ZNF19: variants seen among roughly 807,000 people sequenced by gnomAD.
ZNF19 encodes the protein zinc finger protein 19.
ZNF19 carries 11 observed loss-of-function variants against 13.1 expected under a neutral mutation model. That is an observed-to-expected ratio of 0.84 (90% CI 0.53 to 1.39). The LOEUF (loss-of-function observed/expected upper bound fraction) is 1.39, where lower values mean the gene tolerates loss of function less well. Ranked by LOEUF, ZNF19 falls within the 40% of genes most tolerant of loss-of-function variation. The pLI is 0.00. For synonymous variants in ZNF19, 186 were observed against 187.0 expected (o/e 0.99, Z 0.04); for missense variants, 560 against 547.0 (o/e 1.02, Z -0.24).
chr16:71,475,817 G>C lies in ZNF19; in HGVS notation c.730C>G (p.Pro244Ala). ...RHQRIHSGDR[P>A]YYCTECGNSF... ...TTCCCACACTCTGTACAGTAATAGG[G>C]TCTGTCCCCACTGTGGATTCTCTGA... The change falls in exon 6 of 6, where the codon CCC (proline) becomes GCC (alanine). Residue 244 changes from proline to alanine, a missense_variant. By Grantham distance (27) the Pro-to-Ala change is conservative. Coordinates refer to ENST00000288177, the MANE Select transcript of ZNF19 (RefSeq NM_006961.4). 1 of 1,612,824 alleles carries C rather than the reference G, an allele frequency of 6.2e-7. No homozygotes were observed. Among genetic ancestry groups the C allele is most frequent in the Non-Finnish European group, 8.5e-7 (1 of 1,179,152 alleles).
intron 5 of ZNF19, 149 bp from the exon 6 acceptor site, chr16:71,476,421 CA>C (rs1394078431): frequency 1.7e-5 from 15 of 894,632 alleles, no homozygotes; most frequent in Non-Finnish European, 2.5e-5. Flanking sequence ...GTGAAAGTGC[CA>C]AATATCACAC....
At position 71,475,354 on chromosome 16, in the gene ZNF19, C is replaced by A. The variant is rs777257301; in HGVS notation, c.1193G>T (p.Arg398Ile). ...DECGKALTSK[R>I]NLHQHQRIHT... ...GATTCTTTGATGCTGATGAAGATTTCTTTTGCTAGTCAAGGCTTTTCCACA... is the reference window on the plus strand; with the variant it reads ...GATTCTTTGATGCTGATGAAGATTTATTTTGCTAGTCAAGGCTTTTCCACA... The change falls in exon 6 of 6, where the codon AGA (arginine) becomes ATA (isoleucine). Residue 398 changes from arginine to isoleucine, a missense_variant. Transcript: ENST00000288177. The A allele has an allele frequency of 6.2e-6, 10 of 1,613,628 alleles. No homozygotes were observed. The highest frequency in any genetic ancestry group is 5.0e-5 in the Admixed American group (3 of 60,012).
In ZNF19 at chr16:71,474,982, G is replaced by A. The variant is rs1597012114; in HGVS notation, c.*188C>T. On this transcript the variant is annotated 3_prime_UTR_variant, in exon 6 of 6. Transcript: ENST00000288177. The stretch of plus-strand genomic sequence containing the variant: ...AAACCAATGGGGGTGGGCGGGGGGA[G>A]AGTATTTGTTCCTATTAGCTCTTGC... The A allele has an allele frequency of 5.9e-6, 4 of 672,832 alleles. No individual in the cohort carries two copies. In the East Asian group the frequency reaches 1.1e-4, roughly 19 times the overall value. The allele number at this position is 672,832 out of a possible 1,614,324, so 41.7% of individuals were successfully genotyped here.
At chr16:71,486,064 C>T (rs1567571607) in intron 1 of ZNF19, among the ~76,000 whole-genome samples, 1 of 151,904 alleles carries the variant, frequency 6.6e-6, no homozygotes, top group Non-Finnish European at 1.5e-5. Context: ...TATCTTGGGG[C>T]TAGGCACAGT....
chr16:71,475,774 G>T lies in ZNF19; in HGVS notation c.773C>A (p.Ser258Tyr), dbSNP rs1283562336. The T allele has an allele frequency of 6.2e-7, 1 of 1,613,018 alleles. No homozygotes were observed. The highest frequency in any genetic ancestry group is 1.7e-5 in the Admixed American group (1 of 59,988). ...GATTCTCTGATGTATAACAAACTCGGAACTACTCGTGAAACTATTCCCACA... is the reference window on the plus strand; with the variant it reads ...GATTCTCTGATGTATAACAAACTCGTAACTACTCGTGAAACTATTCCCACA... ...TECGNSFTSS[S>Y]EFVIHQRIHT... The change falls in exon 6 of 6, where the codon TCC becomes TAC. Residue 258 changes from serine (S) to tyrosine (Y), a missense_variant. Physicochemically the swap from Ser to Tyr is moderately radical, Grantham distance 144. Coordinates refer to ENST00000288177, the MANE Select transcript of ZNF19 (RefSeq NM_006961.4).
At chr16:71,479,055 C>T in intron 3 of ZNF19, 50 bp from the exon 4 acceptor site, 2 of 1,613,488 alleles carry the variant, frequency 1.2e-6, no homozygotes, top group Non-Finnish European at 1.7e-6. Flanking sequence ...TGGCTCCGGG[C>T]CAGAGTGTGG....
chr16:71,487,853 AAAT>A (rs2043689997), intron 1 of ZNF19, among the ~76,000 whole-genome samples: 2 of 152,230 alleles, frequency 1.3e-5, no homozygotes, highest in South Asian at 4.1e-4. Flanking sequence ...GGCTGCAAAA[AAAT>A]ATGTAGTTAA....
At chr16:71,483,616 C>T (rs1296685537) in intron 2 of ZNF19, among the ~76,000 whole-genome samples, 1 of 152,258 alleles carries the variant, frequency 6.6e-6, no homozygotes, top group African/African-American at 2.4e-5. Flanking sequence ...AGATCATGAT[C>T]GCTCTACAGA....
intron 1 of ZNF19, among the ~76,000 whole-genome samples, chr16:71,486,170 C>A (rs1312498354): frequency 7.1e-6 from 1 of 140,060 alleles, no homozygotes; most frequent in Non-Finnish European, 1.5e-5. Context: ...TGACAAAACC[C>A]TGTCTCTACC....
intron 1 of ZNF19, chr16:71,487,285 G>A (rs1043285918): frequency 1.6e-4 from 24 of 152,314 alleles, no homozygotes; most frequent in African/African-American, 5.1e-4. Flanking sequence ...GTTTCGAAGT[G>A]TGTTGCGCTT....
At chr16:71,479,943 C>A (rs1007873647) in intron 3 of ZNF19, among the ~76,000 whole-genome samples, 3 of 152,072 alleles carry the variant, frequency 2.0e-5, no homozygotes, top group African/African-American at 7.2e-5. Context: ...TAGGTGCACA[C>A]CACCATGCCA....
At chr16:71,489,166 C>T (rs1305755698) in intron 1 of ZNF19, 106 bp downstream of exon 1, 6 of 848,872 alleles carry the variant, frequency 7.1e-6, no homozygotes, top group African/African-American at 5.5e-5. Flanking sequence ...GTGACGCCCT[C>T]CCCGTCCCCT....
At chr16:71,480,461 T>C (rs1161531504) in intron 3 of ZNF19, among the ~76,000 whole-genome samples, 1 of 152,190 alleles carries the variant, frequency 6.6e-6, no homozygotes, top group Non-Finnish European at 1.5e-5. Flanking sequence ...CAGTCTCTAA[T>C]GCTAGAACTT....
intron 4 of ZNF19, 31 bp from the exon 5 acceptor site, chr16:71,478,372 G>C: frequency 6.7e-7 from 1 of 1,493,324 alleles, no homozygotes; most frequent in Non-Finnish European, 9.3e-7. Context: ...GTACTTTTCA[G>C]CCCTGTATCT....
chr16:71,484,799 A>C, intron 1 of ZNF19, 51 bp from the exon 2 acceptor site: 1 of 947,604 alleles, frequency 1.1e-6, no homozygotes, highest in Non-Finnish European at 1.3e-6. Flanking sequence ...TCTAACCGAA[A>C]TTTAGCATTT....
chr16:71,477,959 T>G (rs1328953650), intron 5 of ZNF19: 1 of 367,714 alleles, frequency 2.7e-6, no homozygotes, highest in Non-Finnish European at 5.0e-6. Flanking sequence ...GCTCAAAAAC[T>G]GCTCCTGAAT....
Position 71,483,157 on chromosome 16 carries a change from C to T in ZNF19, c.-29-1014G>A, listed in dbSNP as rs78422370. On this transcript the variant is annotated intron_variant, in intron 2 of 5. Coordinates refer to ENST00000288177, the MANE Select transcript of ZNF19 (RefSeq NM_006961.4). ...CAGAGCAAGTCTTCCTTTACTTGGA[C>T]CTGGAGCAGGCATCTTTTTTGTTCA... is the stretch of plus-strand genomic sequence containing the variant. Among the ~76,000 whole-genome samples, 410 of 152,312 alleles carry T rather than the reference C, an allele frequency of 2.7e-3. 5 individuals are homozygous for T. The highest frequency in any genetic ancestry group is 4.6e-3 in the Non-Finnish European group (314 of 68,038).
chr16:71,487,575 A>G (rs1001693596), intron 1 of ZNF19, among the ~76,000 whole-genome samples: 10 of 152,214 alleles, frequency 6.6e-5, no homozygotes, highest in Admixed American at 3.3e-4. Flanking sequence ...CATTCCTTAG[A>G]TTCCAATGGG....
chr16:71,489,287 C>CA lies in ZNF19; in HGVS notation c.-206dup, dbSNP rs1182572274. 2.0e-6 allele frequency: 2 copies of CA among 985,448 alleles called. No homozygotes were observed. Among genetic ancestry groups the CA allele is most frequent in the Non-Finnish European group, 1.2e-6 (1 of 830,016 alleles). 61.0% of individuals were successfully genotyped at this position (985,448 alleles called of 1,614,324 possible). A position where few individuals can be genotyped will look rare whatever the true frequency, so the allele number is the denominator to read the frequency against. On this transcript the variant is annotated 5_prime_UTR_variant, in exon 1 of 6. Transcript: ENST00000288177. ...ACTTTGGCACCTTTGAGCGCGGACT[C>CA]AAAACAGGCCAGAAGCGCACCGCTA...
Sources: allele counts gnomAD v4.1 joint callset (sites outside exome capture counted in the v4.1 genomes callset), GRCh38; gene constraint gnomAD v4.1.1; transcripts MANE v1.5; gene names NCBI Gene and HGNC (gene_info 2026-07-23, HGNC 2026-07-21).